DTX3L: variants seen among roughly 807,000 people sequenced by gnomAD.
DTX3L encodes E3 ubiquitin-protein ligase DTX3L.
DTX3L carries 34 observed loss-of-function variants against 60.9 expected under a neutral mutation model. The ratio of observed to expected loss-of-function variants is 0.56; its 90% CI spans 0.42 to 0.74. DTX3L has a LOEUF of 0.74. Ranked by LOEUF, DTX3L falls within the 30% of genes least tolerant of loss-of-function variation. The probability of loss-of-function intolerance (pLI) is 0.00; values close to 1 mark genes in which losing one functional copy is unlikely to be tolerated. For missense variants in DTX3L, 810 were observed against 874.0 expected, an observed-to-expected ratio of 0.93 and a Z score of 0.92; for synonymous variants, 290 against 316.6, an observed-to-expected ratio of 0.92 and a Z score of 0.89.
chr3:122,571,251 C>T (rs549113136), intron 4 of DTX3L, among the ~76,000 whole-genome samples: 360 of 144,156 alleles, frequency 2.5e-3, no homozygotes, highest in African/African-American at 8.4e-3. Context: ...CATGTGATTA[C>T]GATGCCCCCC....
At position 122,568,670 on chromosome 3, in the gene DTX3L, A is replaced by G. The variant is rs1201265623; in HGVS notation, c.581A>G (p.Glu194Gly). 5.0e-6 allele frequency: 8 copies of G among 1,614,088 alleles called. No individual in the cohort carries two copies. Among genetic ancestry groups the G allele is most frequent in the Non-Finnish European group, 6.8e-6 (8 of 1,180,042 alleles). The stretch of plus-strand genomic sequence containing the variant: ...CAATTTTTGAGTGAGCAGTTCCTGG[A>G]AAGTGAGCAGAAACAACAATTTTCC... ...IHQFLSEQFLESEQKQQFSPS... is the reference protein window; with the variant it reads ...IHQFLSEQFLGSEQKQQFSPS... Residue 194 changes from glutamate to glycine, a missense_variant, in exon 3 of 5, where the codon GAA (glutamate) becomes GGA (glycine). Transcript: ENST00000296161.
intron 2 of DTX3L, 80 bp downstream of exon 2, chr3:122,566,150 C>A: frequency 7.6e-7 from 1 of 1,312,530 alleles, no homozygotes; most frequent in Non-Finnish European, 1.1e-6. Context: ...ATCCAACACC[C>A]ATGTGCTGGG....
At chr3:122,566,793 A>G (rs1300781341) in intron 2 of DTX3L, among the ~76,000 whole-genome samples, 1 of 152,220 alleles carries the variant, frequency 6.6e-6, no homozygotes, top group Non-Finnish European at 1.5e-5. Flanking sequence ...GCACTGTTAT[A>G]GGAGCTGGGG....
Position 122,570,259 on chromosome 3 carries a change from G to A in DTX3L, c.1936-196G>A, listed in dbSNP as rs1469244505. 35 of 720,774 alleles carry A rather than the reference G, an allele frequency of 4.9e-5. No homozygotes were observed. In the Middle Eastern group the frequency reaches 1.4e-3, roughly 28 times the overall value. The allele number at this position is 720,774 out of a possible 1,614,324, so 44.6% of individuals were successfully genotyped here. ...GGTGGAGATTATATCTTGAGATGGGGGTATCAGGAAGGTGGACAGTGTTTC... is the reference window on the plus strand; with the variant it reads ...GGTGGAGATTATATCTTGAGATGGGAGTATCAGGAAGGTGGACAGTGTTTC... On this transcript the variant is annotated intron_variant, in intron 3 of 4. Transcript: ENST00000296161.
chr3:122,570,673 G>A lies in DTX3L; in HGVS notation c.2153+1G>A. The A allele has an allele frequency of 6.2e-7, 1 of 1,614,146 alleles. No individual in the cohort carries two copies. The highest frequency in any genetic ancestry group is 8.5e-7 in the Non-Finnish European group (1 of 1,179,992). Reference sequence around the variant, plus strand: ...CATCCCGGTTTGGAGGACCAGAAATGTGAGATCCTTTTGGGATGTAATGGC... The same window carrying A: ...CATCCCGGTTTGGAGGACCAGAAATATGAGATCCTTTTGGGATGTAATGGC... On this transcript the variant is annotated splice_donor_variant, in intron 4 of 4. Transcript: ENST00000296161. LOFTEE classifies it high-confidence loss of function.
rs1457819829 is a variant in DTX3L at position 122,569,353 on chromosome 3, T to C, written c.1264T>C (p.Ser422Pro). ...KGQKTCILFE[S>P]KDRQVDLSVH... ...TCAGAAAACCTGCATTCTGTTTGAATCCAAGGACAGGCAGGTAGATCTATC... is the reference window on the plus strand; with the variant it reads ...TCAGAAAACCTGCATTCTGTTTGAACCCAAGGACAGGCAGGTAGATCTATC... The change falls in exon 3 of 5, where the codon TCC becomes CCC. Residue 422 changes from serine (S) to proline (P), a missense_variant. Ser to Pro is a moderately conservative substitution (Grantham distance 74). Coordinates refer to ENST00000296161, the MANE Select transcript of DTX3L (RefSeq NM_138287.3). 5 of 1,614,046 alleles carry C rather than the reference T, an allele frequency of 3.1e-6. No homozygotes were observed. The highest frequency in any genetic ancestry group is 4.2e-6 in the Non-Finnish European group (5 of 1,180,044).
chr3:122,567,833 A>G (rs2080601830), intron 2 of DTX3L, among the ~76,000 whole-genome samples: 1 of 152,138 alleles, frequency 6.6e-6, no homozygotes, highest in Non-Finnish European at 1.5e-5. Context: ...TAGAACACGG[A>G]TCTCTTGGCC....
rs962207282 is a variant in DTX3L at position 122,564,692 on chromosome 3, G to A, written c.187+79G>A. On this transcript the variant is annotated intron_variant, in intron 1 of 4. Transcript: ENST00000296161. Reference sequence around the variant, plus strand: ...TTTCCAGGCGGACCCAGTTCCAGCTGACCTAGGGGAGAGGGCGGGAGAAAG... The same window carrying A: ...TTTCCAGGCGGACCCAGTTCCAGCTAACCTAGGGGAGAGGGCGGGAGAAAG... 23 of 1,504,078 alleles carry A rather than the reference G, an allele frequency of 1.5e-5. No individual in the cohort carries two copies. The African/African-American group carries it at 3.2e-4, about 21-fold the overall frequency. The allele number at this position is 1,504,078 out of a possible 1,614,324, so 93.2% of individuals were successfully genotyped here. A position where few individuals can be genotyped will look rare whatever the true frequency, so the allele number is the denominator to read the frequency against.
chr3:122,569,013 A>G lies in DTX3L; in HGVS notation c.924A>G (p.Glu308=), dbSNP rs1480009952. 1.2e-6 allele frequency: 2 copies of G among 1,614,206 alleles called. No individual in the cohort carries two copies. The highest frequency in any genetic ancestry group is 1.6e-4 in the Middle Eastern group (1 of 6,062). Reference sequence around the variant, plus strand: ...AGAACACAGAACCTCTGAAGCAAGAATGTGTCTCTTTAGCAGACAGTAAGC... The same window carrying G: ...AGAACACAGAACCTCTGAAGCAAGAGTGTGTCTCTTTAGCAGACAGTAAGC... ...FQKNTEPLKQ[E]CVSLADSKQA... Residue 308 remains glutamate (E), a synonymous_variant, in exon 3 of 5, where the codon GAA becomes GAG. Coordinates refer to ENST00000296161, the MANE Select transcript of DTX3L (RefSeq NM_138287.3).
At position 122,569,052 on chromosome 3, in the gene DTX3L, C is replaced by A. The variant is rs780253478; in HGVS notation, c.963C>A (p.Phe321Leu). The A allele has an allele frequency of 6.2e-7, 1 of 1,613,972 alleles. No individual in the cohort carries two copies. The highest frequency in any genetic ancestry group is 1.1e-5 in the South Asian group (1 of 91,048). ...CAGACAGTAAGCAGGCAAATAAATT[C>A]AAACAGGAATTGAATCACCAGTTTA... ...SLADSKQANK[F>L]KQELNHQFTK... The change falls in exon 3 of 5, where the codon TTC (phenylalanine) becomes TTA (leucine). Residue 321 changes from phenylalanine to leucine, a missense_variant. Physicochemically the swap from Phe to Leu is conservative, Grantham distance 22. Transcript: ENST00000296161.
At chr3:122,566,304 C>T (rs1215693951) in intron 2 of DTX3L, among the ~76,000 whole-genome samples, 1 of 152,144 alleles carries the variant, frequency 6.6e-6, no homozygotes, top group Non-Finnish European at 1.5e-5. Context: ...ATAAATAAAA[C>T]CATTTTATTT....
In DTX3L at chr3:122,571,701, A is replaced by G. The variant is rs775538046; in HGVS notation, c.2177A>G (p.Tyr726Cys). Residue 726 changes from tyrosine (Y) to cysteine (C), a missense_variant, in exon 5 of 5, where the codon TAC becomes TGC. Transcript: ENST00000296161. ...PEMYGYPDPS[Y>C]LKRVKEELKA... ...AGGTATGGCTATCCTGATCCTTCTT[A>G]CCTGAAACGTGTCAAAGAGGAGCTG... The G allele has an allele frequency of 1.2e-6, 2 of 1,613,540 alleles. No homozygotes were observed. Among genetic ancestry groups the G allele is most frequent in the East Asian group, 2.2e-5 (1 of 44,862 alleles).
At chr3:122,566,204 A>G in intron 2 of DTX3L, 134 bp downstream of exon 2, 1 of 731,910 alleles carries the variant, frequency 1.4e-6, no homozygotes, top group Non-Finnish European at 2.2e-6. Flanking sequence ...CTGGACACAG[A>G]GATGAATATA....
In DTX3L at chr3:122,568,476, T is replaced by C. The variant is rs1220215592; in HGVS notation, c.400-13T>C. The C allele has an allele frequency of 6.3e-7, 1 of 1,580,302 alleles. No individual in the cohort carries two copies. The highest frequency in any genetic ancestry group is 1.2e-5 in the South Asian group (1 of 84,942). On this transcript the variant is annotated splice_polypyrimidine_tract_variant and intron_variant, in intron 2 of 4. Transcript: ENST00000296161. ...AGAGGTTTTATTTGTTCCTGTTCCTTTTAAAATTTCAGATCTTTCTTACTG... is the reference window on the plus strand; with the variant it reads ...AGAGGTTTTATTTGTTCCTGTTCCTCTTAAAATTTCAGATCTTTCTTACTG...
intron 1 of DTX3L, 47 bp from the exon 2 acceptor site, chr3:122,565,812 C>T (rs2080573766): frequency 6.4e-7 from 1 of 1,573,016 alleles, no homozygotes; most frequent in South Asian, 1.1e-5. Context: ...TGAAATCTCT[C>T]CCATTTTTAT....
chr3:122,571,954 G>A lies in DTX3L; in HGVS notation c.*207G>A, dbSNP rs12490075. Reference sequence around the variant, plus strand: ...AGACGGAGTCTGCTCTGTCGCTCGCGCTGGAGTGCAGTGGCATGATCTCGG... The same window carrying A: ...AGACGGAGTCTGCTCTGTCGCTCGCACTGGAGTGCAGTGGCATGATCTCGG... On this transcript the variant is annotated 3_prime_UTR_variant, in exon 5 of 5. Coordinates refer to ENST00000296161, the MANE Select transcript of DTX3L (RefSeq NM_138287.3). 0.18 allele frequency: 66,085 copies of A among 368,322 alleles called. 6,894 individuals carry two copies. The highest frequency in any genetic ancestry group is 0.29 in the Admixed American group (7,663 of 26,836). 22.8% of individuals were successfully genotyped at this position (368,322 alleles called of 1,614,324 possible). A position where few individuals can be genotyped will look rare whatever the true frequency, so the allele number is the denominator to read the frequency against.
intron 2 of DTX3L, among the ~76,000 whole-genome samples, chr3:122,566,798 C>T (rs1005400846): frequency 2.0e-5 from 3 of 152,140 alleles, no homozygotes; most frequent in Admixed American, 2.0e-4. Flanking sequence ...GTTATAGGAG[C>T]TGGGGAGGCA....
chr3:122,570,519 A>C lies in DTX3L; in HGVS notation c.2000A>C (p.Asn667Thr). Residue 667 changes from asparagine to threonine, a missense_variant, in exon 4 of 5, where the codon AAT (asparagine) becomes ACT (threonine). Transcript: ENST00000296161. The part of the protein sequence containing the change: ...GIQRTAYLPD[N>T]KEGRKVLKLL... The stretch of plus-strand genomic sequence containing the variant: ...CAGCGAACTGCATACTTGCCTGATA[A>C]TAAGGAAGGAAGGAAGGTTTTGAAA... 5 of 1,614,182 alleles carry C rather than the reference A, an allele frequency of 3.1e-6. No homozygotes were observed. The highest frequency in any genetic ancestry group is 4.2e-6 in the Non-Finnish European group (5 of 1,180,032).
intron 1 of DTX3L, 92 bp downstream of exon 1, chr3:122,564,705 G>A: frequency 4.8e-6 from 7 of 1,455,346 alleles, no homozygotes; most frequent in Non-Finnish European, 6.4e-6. Flanking sequence ...CTAGGGGAGA[G>A]GGCGGGAGAA....
Sources: gnomAD v4.1 joint callset for allele counts (sites outside exome capture counted in the v4.1 genomes callset) on GRCh38, gnomAD v4.1.1 for gene constraint, MANE v1.5 for transcripts, NCBI Gene and HGNC (gene_info 2026-07-23, HGNC 2026-07-21) for gene names.